RBMS3: variants seen among roughly 807,000 people sequenced by gnomAD.
The protein encoded by RBMS3 is RNA binding motif single stranded interacting protein 3.
A neutral mutation model predicts 66.8 loss-of-function variants in RBMS3; 27 were observed. The observed-to-expected ratio is 0.40, with a 90% CI of 0.30 to 0.56. RBMS3 has a LOEUF of 0.56. Ranked by LOEUF, RBMS3 falls within the 20% of genes least tolerant of loss-of-function variation. The probability of loss-of-function intolerance (pLI) is 0.40; values close to 1 mark genes in which losing one functional copy is unlikely to be tolerated. For missense variants in RBMS3, 513 were observed against 549.5 expected (o/e 0.93, Z 0.66); for synonymous variants, 188 against 183.0 (o/e 1.03, Z -0.22).
intron 3 of RBMS3, among the ~76,000 whole-genome samples, chr3:29,532,405 A>C (rs567677586): frequency 6.6e-6 from 1 of 151,654 alleles, no homozygotes; most frequent in South Asian, 2.1e-4. Flanking sequence ...CTTTGGGGGA[A>C]ACTGAGTGAA....
intron 1 of RBMS3, among the ~76,000 whole-genome samples, chr3:29,302,589 T>C (rs2033753138): frequency 2.0e-5 from 3 of 152,156 alleles, no homozygotes; most frequent in Admixed American, 2.0e-4. Context: ...GATGCTGAAA[T>C]AATATTTATC....
chr3:29,754,254 A>T (rs1175582525), intron 5 of RBMS3, among the ~76,000 whole-genome samples: 1 of 152,224 alleles, frequency 6.6e-6, no homozygotes, highest in Non-Finnish European at 1.5e-5. Context: ...TACATGGCTA[A>T]AAGATGGGAA....
intron 12 of RBMS3, among the ~76,000 whole-genome samples, chr3:29,980,609 A>G (rs985160191): frequency 1.2e-3 from 186 of 152,176 alleles, no homozygotes; most frequent in Non-Finnish European, 2.8e-4. Context: ...TAATTTTTGT[A>G]TAAGGTGTAA....
chr3:29,564,240 G>A (rs1350140379), intron 3 of RBMS3, among the ~76,000 whole-genome samples: 1 of 152,010 alleles, frequency 6.6e-6, no homozygotes, highest in Non-Finnish European at 1.5e-5. Context: ...ACTTTGGGAG[G>A]CCAAGGTGGG....
At chr3:29,916,086 T>A (rs900933821) in intron 10 of RBMS3, among the ~76,000 whole-genome samples, 1 of 152,036 alleles carries the variant, frequency 6.6e-6, no homozygotes, top group Non-Finnish European at 1.5e-5. Context: ...ATGAGAAATG[T>A]TCTGGCTAAC....
At chr3:29,540,414 GT>G in intron 3 of RBMS3, among the ~76,000 whole-genome samples, 1 of 152,228 alleles carries the variant, frequency 6.6e-6, no homozygotes, top group African/African-American at 2.4e-5. Context: ...ATAAGGCTCT[GT>G]ATTCTATACA....
chr3:29,304,861 T>C (rs1464468465), intron 1 of RBMS3, among the ~76,000 whole-genome samples: 1 of 151,882 alleles, frequency 6.6e-6, no homozygotes, highest in East Asian at 1.9e-4. Context: ...CCTTTTTCAC[T>C]CCTCAAATTC....
intron 1 of RBMS3, among the ~76,000 whole-genome samples, chr3:29,353,478 T>G (rs1401254970): frequency 3.3e-5 from 5 of 152,012 alleles, no homozygotes; most frequent in Non-Finnish European, 7.4e-5. Context: ...TTTGCTTGAT[T>G]GAAGCTGGGC....
chr3:29,656,496 C>T (rs1286412245), intron 4 of RBMS3, among the ~76,000 whole-genome samples: 1 of 152,114 alleles, frequency 6.6e-6, no homozygotes, highest in Non-Finnish European at 1.5e-5. Context: ...CTGTGATGTC[C>T]ACATAAGGAT....
intron 4 of RBMS3, among the ~76,000 whole-genome samples, chr3:29,611,374 T>A (rs1576356475): frequency 6.6e-6 from 1 of 152,070 alleles, no homozygotes; most frequent in African/African-American, 2.4e-5. Context: ...AAGGAGTCAT[T>A]TAGAGGTCCC....
At chr3:29,557,650 C>G (rs1264212148) in intron 3 of RBMS3, among the ~76,000 whole-genome samples, 1 of 152,176 alleles carries the variant, frequency 6.6e-6, no homozygotes, top group Non-Finnish European at 1.5e-5. Context: ...TGCAGTTCAG[C>G]TACAAATCTG....
At chr3:29,322,447 C>T (rs907999241) in intron 1 of RBMS3, among the ~76,000 whole-genome samples, 1 of 152,036 alleles carries the variant, frequency 6.6e-6, no homozygotes, top group African/African-American at 2.4e-5. Flanking sequence ...CCTCCACATG[C>T]TGTAGACATG....
Position 29,675,756 on chromosome 3 carries a change from A to G in RBMS3, c.400-63964A>G, listed in dbSNP as rs574864094. Among the ~76,000 whole-genome samples, 9 of 152,350 alleles carry G rather than the reference A, an allele frequency of 5.9e-5. No individual in the cohort carries two copies. In the South Asian group the frequency reaches 1.9e-3, roughly 32 times the overall value. On this transcript the variant is annotated intron_variant, in intron 4 of 14. Transcript: ENST00000383767. ...CCATCTCATACCAGTTAGAATGACA[A>G]TCATTAAAAAGTCAGGAAACAATAG...
intron 7 of RBMS3, among the ~76,000 whole-genome samples, chr3:29,879,301 A>T (rs925724376): frequency 6.6e-6 from 1 of 152,192 alleles, no homozygotes. Context: ...TTACTTCAGT[A>T]GCAGTACCTA....
chr3:29,892,405 TGC>T (rs1397347195), intron 8 of RBMS3, among the ~76,000 whole-genome samples: 1 of 151,554 alleles, frequency 6.6e-6, no homozygotes, highest in Non-Finnish European at 1.5e-5. Context: ...AGCTGTTCTA[TGC>T]ATTGTAGCAT....
At chr3:29,302,660 C>T (rs765719295) in intron 1 of RBMS3, among the ~76,000 whole-genome samples, 16 of 152,050 alleles carry the variant, frequency 1.1e-4, no homozygotes, top group Non-Finnish European at 1.3e-4. Context: ...AGGAAGACTA[C>T]GCCACAGAAG....
intron 2 of RBMS3, among the ~76,000 whole-genome samples, chr3:29,484,565 C>T (rs574390664): frequency 6.6e-6 from 1 of 152,240 alleles, no homozygotes; most frequent in South Asian, 2.1e-4. Flanking sequence ...ACAATTTTAA[C>T]ATATTAATTT....
chr3:29,451,620 T>C (rs1430023238), intron 2 of RBMS3, among the ~76,000 whole-genome samples: 2 of 152,160 alleles, frequency 1.3e-5, no homozygotes, highest in African/African-American at 4.8e-5. Context: ...CCTTTACTTT[T>C]TGAGAGGGCA....
intron 6 of RBMS3, among the ~76,000 whole-genome samples, chr3:29,865,403 C>T (rs749774630): frequency 2.3e-3 from 351 of 152,120 alleles, no homozygotes; most frequent in Non-Finnish European, 2.1e-3. Flanking sequence ...TACCCAAAGA[C>T]GTATAAAAGG....
Sources: gnomAD v4.1 joint callset for allele counts (sites outside exome capture counted in the v4.1 genomes callset) on GRCh38, gnomAD v4.1.1 for gene constraint, MANE v1.5 for transcripts, NCBI Gene and HGNC (gene_info 2026-07-23, HGNC 2026-07-21) for gene names.